The following DPH6 variants were observed in gnomAD, a reference collection of about 807,000 sequenced individuals.
The protein encoded by DPH6 is diphthine--ammonia ligase.
A neutral mutation model predicts 38.2 loss-of-function variants in DPH6; 33 were observed. The ratio of observed to expected loss-of-function variants is 0.86; its 90% confidence interval spans 0.65 to 1.15. The LOEUF (loss-of-function observed/expected upper bound fraction) is 1.15, where lower values mean the gene tolerates loss of function less well. Ranked by LOEUF, DPH6 falls within the 50% of genes most tolerant of loss-of-function variation. The pLI is 0.00. For missense variants in DPH6, 325 were observed against 320.0 expected, an observed-to-expected ratio of 1.02 and a Z score of -0.12; for synonymous variants, 108 against 103.0, an observed-to-expected ratio of 1.05 and a Z score of -0.30.
At chr15:35,366,998 G>A (rs912086720), downstream of DPH6, among the ~76,000 whole-genome samples, 1 of 151,796 alleles carries the variant, frequency 6.6e-6, no homozygotes, top group Non-Finnish European at 1.5e-5. Flanking sequence ...ACATTATAAA[G>A]TTTTTCAAGG....
At chr15:35,256,633 G>A (rs1007577020) in intron 3 of DPH6, among the ~76,000 whole-genome samples, 3 of 152,198 alleles carry the variant, frequency 2.0e-5, no homozygotes, top group Admixed American at 1.3e-4. Flanking sequence ...CTAATTAGTA[G>A]TGTAGTAGAT....
chr15:35,400,699 G>C, intron 6 of DPH6: 2 of 686,026 alleles, frequency 2.9e-6, no homozygotes, highest in Non-Finnish European at 5.3e-6. Context: ...TCATGTCTAA[G>C]TCAGAGTCTC....
the DPH6 span, among the ~76,000 whole-genome samples, chr15:35,150,286 G>C: frequency 6.6e-6 from 1 of 152,154 alleles, no homozygotes; most frequent in Non-Finnish European, 1.5e-5. Flanking sequence ...AGAAAATAAG[G>C]AACATATTTC....
At chr15:35,374,464 C>T (rs545409410) in intron 7 of DPH6, among the ~76,000 whole-genome samples, 9 of 151,902 alleles carry the variant, frequency 5.9e-5, no homozygotes, top group Admixed American at 3.3e-4. Context: ...ATTTTTGAAT[C>T]GACTTGTATC....
intron 5 of DPH6, among the ~76,000 whole-genome samples, chr15:35,414,027 T>C (rs2053405244): frequency 6.6e-6 from 1 of 151,668 alleles, no homozygotes; most frequent in Admixed American, 6.6e-5. Flanking sequence ...ATGTTTTAAC[T>C]AGGCACTAAA....
At chr15:35,367,864 GA>G (rs879723510), downstream of DPH6, among the ~76,000 whole-genome samples, 38 of 147,210 alleles carry the variant, frequency 2.6e-4, no homozygotes, top group African/African-American at 8.0e-4. Flanking sequence ...AAGATAAATG[GA>G]AAAAAAAATA....
At chr15:35,423,408 T>C (rs758216633) in intron 5 of DPH6, among the ~76,000 whole-genome samples, 1 of 151,796 alleles carries the variant, frequency 6.6e-6, no homozygotes, top group Non-Finnish European at 1.5e-5. Flanking sequence ...CTTTTTGCTA[T>C]GAAGTTGCAT....
chr15:35,509,960 T>C (rs1048632937), intron 3 of DPH6, among the ~76,000 whole-genome samples: 1 of 152,180 alleles, frequency 6.6e-6, no homozygotes, highest in Non-Finnish European at 1.5e-5. Context: ...TCATCCCTAT[T>C]GTCCCAGCAC....
intron 3 of DPH6, among the ~76,000 whole-genome samples, chr15:35,250,133 G>A (rs2051662773): frequency 6.6e-6 from 1 of 151,826 alleles, no homozygotes; most frequent in South Asian, 2.1e-4. Context: ...AGCCGAGATC[G>A]CGCCACTGCA....
the DPH6 span, among the ~76,000 whole-genome samples, chr15:35,144,978 TGG>T: frequency 2.0e-5 from 3 of 152,218 alleles, no homozygotes; most frequent in Admixed American, 2.0e-4. Flanking sequence ...ATTTTTTTCT[TGG>T]TATGAACTTT....
chr15:35,231,804 C>T (rs2051519893), intron 3 of DPH6, among the ~76,000 whole-genome samples: 1 of 152,064 alleles, frequency 6.6e-6, no homozygotes, highest in Non-Finnish European at 1.5e-5. Context: ...CAGCATGTCA[C>T]ATGGTGAGAG....
At chr15:35,319,598 A>G (rs2052222562) in intron 3 of DPH6, among the ~76,000 whole-genome samples, 1 of 152,024 alleles carries the variant, frequency 6.6e-6, no homozygotes, top group Non-Finnish European at 1.5e-5. Context: ...AAAATTAGCC[A>G]GGCGTGTTGG....
At chr15:35,326,126 T>C (rs148379921), downstream of DPH6, among the ~76,000 whole-genome samples, 27 of 152,186 alleles carry the variant, frequency 1.8e-4, no homozygotes, top group African/African-American at 5.3e-4. Context: ...GTTTAGAAAA[T>C]TGTCAGTGTT....
downstream of DPH6, among the ~76,000 whole-genome samples, chr15:35,330,381 C>CA (rs1169925233): frequency 6.6e-6 from 1 of 151,944 alleles, no homozygotes; most frequent in East Asian, 1.9e-4. Flanking sequence ...AAGAAAGATG[C>CA]AAAACAAAAT....
the DPH6 span, among the ~76,000 whole-genome samples, chr15:35,158,407 G>A: frequency 0.71 from 108,216 of 151,966 alleles, 39,773 homozygotes; most frequent in Middle Eastern, 0.83. Context: ...CTCACCAAAT[G>A]TAATATGATT....
intron 3 of DPH6, among the ~76,000 whole-genome samples, chr15:35,256,807 T>G (rs1487174081): frequency 6.6e-6 from 1 of 152,148 alleles, no homozygotes; most frequent in East Asian, 1.9e-4. Flanking sequence ...AGATGTTTAC[T>G]AGTTTAGTTC....
intron 3 of DPH6, among the ~76,000 whole-genome samples, chr15:35,231,049 T>C (rs1386030239): frequency 6.6e-6 from 1 of 152,196 alleles, no homozygotes; most frequent in Non-Finnish European, 1.5e-5. Context: ...TCCAGTCTAC[T>C]GTCTGTGGGC....
intron 3 of DPH6, among the ~76,000 whole-genome samples, chr15:35,527,806 G>A (rs1433658463): frequency 6.6e-6 from 1 of 152,122 alleles, no homozygotes; most frequent in African/African-American, 2.4e-5. Flanking sequence ...ATAAACTGAA[G>A]TCATATTGCA....
chr15:35,205,026 A>G, the DPH6 span, among the ~76,000 whole-genome samples: 1 of 152,014 alleles, frequency 6.6e-6, no homozygotes, highest in East Asian at 1.9e-4. Context: ...TACAAAGTTC[A>G]GAGTAAAAAT....
Sources: gnomAD v4.1 joint callset for allele counts (sites outside exome capture counted in the v4.1 genomes callset) on GRCh38, gnomAD v4.1.1 for gene constraint, MANE v1.5 for transcripts, NCBI Gene and HGNC (gene_info 2026-07-23, HGNC 2026-07-21) for gene names.